The following MINDY3 variants were observed in gnomAD, a reference collection of about 807,000 sequenced individuals.
MINDY3 encodes MINDY lysine 48 deubiquitinase 3, also known as ubiquitin carboxyl-terminal hydrolase MINDY-3.
MINDY3 carries 38 observed loss-of-function variants against 69.2 expected under a neutral mutation model. That is an observed-to-expected ratio of 0.55 (90% CI 0.42 to 0.72). The LOEUF (loss-of-function observed/expected upper bound fraction) is 0.72. Ranked by LOEUF, MINDY3 falls within the 30% of genes least tolerant of loss-of-function variation. The pLI is 0.00. For missense variants in MINDY3, 522 were observed against 519.0 expected (o/e 1.01, Z -0.06); for synonymous variants, 192 against 180.1 (o/e 1.07, Z -0.53).
chr10:15,810,504 A>T (rs1027741753), intron 10 of MINDY3, among the ~76,000 whole-genome samples: 2 of 152,188 alleles, frequency 1.3e-5, no homozygotes, highest in Non-Finnish European at 2.9e-5. Context: ...TTTGCCCTCC[A>T]TGTAAGATAG....
At chr10:15,792,900 T>A (rs1009409658) in intron 11 of MINDY3, among the ~76,000 whole-genome samples, 1 of 151,994 alleles carries the variant, frequency 6.6e-6, no homozygotes, top group Non-Finnish European at 1.5e-5. Context: ...ACACATTTTT[T>A]AAAAAAACAA....
intron 6 of MINDY3, among the ~76,000 whole-genome samples, chr10:15,835,297 C>T (rs766780616): frequency 1.6e-4 from 25 of 152,036 alleles, no homozygotes; most frequent in Non-Finnish European, 7.4e-5. Flanking sequence ...TCATCAATTC[C>T]AGAAGGACAA....
chr10:15,809,447 C>T (rs574322285), intron 10 of MINDY3, among the ~76,000 whole-genome samples: 14 of 152,084 alleles, frequency 9.2e-5, no homozygotes, highest in Non-Finnish European at 1.9e-4. Context: ...TTTCAAGTAA[C>T]CTCAATGAAA....
chr10:15,837,670 T>C, intron 5 of MINDY3: 1 of 1,131,094 alleles, frequency 8.8e-7, no homozygotes, highest in East Asian at 7.7e-5. Context: ...AAACTTCACT[T>C]TTTAAATCCT....
chr10:15,846,725 AT>A (rs11455489), intron 2 of MINDY3, among the ~76,000 whole-genome samples: 3,278 of 141,508 alleles, frequency 0.023, 56 homozygotes, highest in African/African-American at 0.063. Context: ...TTAGGAATGC[AT>A]TTTTTTTTTT....
In MINDY3 at chr10:15,821,524, A is replaced by T. The variant is rs1033527646; in HGVS notation, c.801+132T>A. The T allele has an allele frequency of 3.0e-5, 18 of 593,894 alleles. No homozygotes were observed. In the Admixed American group the frequency reaches 4.1e-4, roughly 14 times the overall value. 36.8% of individuals were successfully genotyped at this position (593,894 alleles called of 1,614,324 possible). A position where few individuals can be genotyped will look rare whatever the true frequency, so the allele number is the denominator to read the frequency against. On this transcript the variant is annotated intron_variant, in intron 9 of 14. Coordinates refer to ENST00000277632, the MANE Select transcript of MINDY3 (RefSeq NM_024948.4). ...TAACCCTGCTGGTTTAGGGTGGGGG[A>T]TAGGAAGGAAGAAGAGAGCGGTACT...
intron 8 of MINDY3, among the ~76,000 whole-genome samples, chr10:15,829,419 G>A (rs933408927): frequency 1.3e-5 from 2 of 152,146 alleles, no homozygotes; most frequent in African/African-American, 4.8e-5. Flanking sequence ...AGGTGGTGTG[G>A]CCTTGGCATA....
rs576257185 is a variant in MINDY3, at chr10:15,793,243, T to C, written c.955+2857A>G. ...TCTCCAAAGCTCATGTGGAACACTTTGAATAGACCTGATAACTGCTTCTCT... is the reference window on the plus strand; with the variant it reads ...TCTCCAAAGCTCATGTGGAACACTTCGAATAGACCTGATAACTGCTTCTCT... On this transcript the variant is annotated intron_variant, in intron 11 of 14. Coordinates refer to ENST00000277632, the MANE Select transcript of MINDY3 (RefSeq NM_024948.4). 9.9e-5 allele frequency among the ~76,000 whole-genome samples: 15 copies of C among 152,274 alleles called. No homozygotes were observed. The East Asian group carries it at 2.7e-3, about 27-fold the overall frequency.
intron 2 of MINDY3, 46 bp from the exon 3 acceptor site, chr10:15,843,318 ACAT>A: frequency 1.4e-6 from 2 of 1,406,354 alleles, no homozygotes; most frequent in Middle Eastern, 1.9e-4. Context: ...TTATAACCAT[ACAT>A]CATATCATTC....
intron 10 of MINDY3, among the ~76,000 whole-genome samples, chr10:15,814,877 A>T (rs1272554765): frequency 6.6e-6 from 1 of 152,186 alleles, no homozygotes; most frequent in East Asian, 1.9e-4. Context: ...TAACTTTTTC[A>T]GATAATGTCC....
At position 15,843,196 on chromosome 10, in the gene MINDY3, AAGACAGCTATC is replaced by A; in HGVS notation, c.235+5_235+15del. On this transcript the variant is annotated splice_donor_5th_base_variant and intron_variant, in intron 3 of 14. Transcript: ENST00000277632. ...ACAGAGGAGGAAGCAAAAGTTTTAA[AAGACAGCTATC>A]ATACCTGAACAATCCCGCCAAGAAG... 6.2e-7 allele frequency: 1 copy of A among 1,606,876 alleles called. No homozygotes were observed. The highest frequency in any genetic ancestry group is 8.5e-7 in the Non-Finnish European group (1 of 1,174,686).
chr10:15,795,850 G>A (rs1397049294), intron 11 of MINDY3, among the ~76,000 whole-genome samples: 1 of 151,832 alleles, frequency 6.6e-6, no homozygotes, highest in Non-Finnish European at 1.5e-5. Context: ...CCCTGTTTGG[G>A]GTCAAGATTA....
chr10:15,833,995 T>C (rs1005943166), intron 7 of MINDY3, among the ~76,000 whole-genome samples: 3 of 152,068 alleles, frequency 2.0e-5, no homozygotes, highest in African/African-American at 7.2e-5. Context: ...AGTTACTTAA[T>C]ATTTACAATC....
In MINDY3 at chr10:15,837,212, G is replaced by T. The variant is rs1267920985; in HGVS notation, c.568C>A (p.Leu190Met). The stretch of plus-strand genomic sequence containing the variant: ...CATCTTCTTGAACACACCTTTGTCA[G>T]TAATACAGAATACAGAAAAAGCAAT... ...GVLLFLYSVLLTKGIENIKNE... is the reference protein window; with the variant it reads ...GVLLFLYSVLMTKGIENIKNE... Residue 190 changes from leucine to methionine, a missense_variant, in exon 6 of 15, where the codon CTG (leucine) becomes ATG (methionine). Transcript: ENST00000277632. 6.3e-7 allele frequency: 1 copy of T among 1,577,972 alleles called. No homozygotes were observed. The highest frequency in any genetic ancestry group is 1.4e-5 in the African/African-American group (1 of 73,674).
At chr10:15,793,473 C>T (rs180801199) in intron 11 of MINDY3, among the ~76,000 whole-genome samples, 1 of 152,198 alleles carries the variant, frequency 6.6e-6, no homozygotes, top group East Asian at 1.9e-4. Context: ...CTAAGATCCT[C>T]AAGATTCTGA....
At chr10:15,823,905 C>A (rs2132014139) in intron 8 of MINDY3, among the ~76,000 whole-genome samples, 1 of 152,218 alleles carries the variant, frequency 6.6e-6, no homozygotes, top group East Asian at 1.9e-4. Flanking sequence ...GTGATTTTGT[C>A]TTTTTCTTCC....
chr10:15,818,622 G>A (rs189722086), intron 9 of MINDY3, among the ~76,000 whole-genome samples: 2 of 152,212 alleles, frequency 1.3e-5, no homozygotes, highest in African/African-American at 4.8e-5. Flanking sequence ...GATAAAATTG[G>A]TTTAACATAC....
intron 2 of MINDY3, 34 bp from the exon 3 acceptor site, chr10:15,843,306 C>T: frequency 8.2e-6 from 12 of 1,466,696 alleles, no homozygotes; most frequent in Non-Finnish European, 1.1e-5. Context: ...TAGTGAAATG[C>T]ATTATAACCA....
rs142027298 is a variant in MINDY3 at position 15,781,911 on chromosome 10, T to C, written c.1188+244A>G. Reference sequence around the variant, plus strand: ...CACGCTACACTGCCAAGGGTAACGATCTGTATGGGGGTGTATTTAGTCATG... The same window carrying C: ...CACGCTACACTGCCAAGGGTAACGACCTGTATGGGGGTGTATTTAGTCATG... On this transcript the variant is annotated intron_variant, in intron 14 of 14. Coordinates refer to ENST00000277632, the MANE Select transcript of MINDY3 (RefSeq NM_024948.4). Among the ~76,000 whole-genome samples the C allele has an allele frequency of 3.1e-3, 472 of 152,242 alleles. 3 individuals are homozygous for C. Among genetic ancestry groups the C allele is most frequent in the African/African-American group, 0.011 (449 of 41,528 alleles).
Sources: gnomAD v4.1 joint callset for allele counts (sites outside exome capture counted in the v4.1 genomes callset) on GRCh38, gnomAD v4.1.1 for gene constraint, MANE v1.5 for transcripts, NCBI Gene and HGNC (gene_info 2026-07-23, HGNC 2026-07-21) for gene names.